MSH4: variants seen among roughly 807,000 people sequenced by gnomAD.
MSH4 encodes the protein mutS protein homolog 4.
MSH4 carries 106 observed loss-of-function variants against 113.7 expected under a neutral mutation model. That is an observed-to-expected ratio of 0.93 (90% CI 0.80 to 1.10). The LOEUF (loss-of-function observed/expected upper bound fraction) is 1.10. Among genes scored for constraint, MSH4 ranks in the 50% least tolerant of loss-of-function variants. The probability of loss-of-function intolerance (pLI) is 0.00; values close to 1 mark genes in which losing one functional copy is unlikely to be tolerated. For missense variants in MSH4, 1,061 were observed against 1,093.7 expected, an observed-to-expected ratio of 0.97 and a Z score of 0.42; for synonymous variants, 368 against 380.2, an observed-to-expected ratio of 0.97 and a Z score of 0.37.
At chr1:75,822,639 A>C (rs1650447906) in intron 7 of MSH4, 58 bp downstream of exon 7, 2 of 928,410 alleles carry the variant, frequency 2.2e-6, no homozygotes, top group Middle Eastern at 3.7e-4. Flanking sequence ...CAGTTGGCTT[A>C]GTTATTTTTC....
chr1:75,803,555 T>C (rs570527906), intron 1 of MSH4, among the ~76,000 whole-genome samples, 176 bp from the exon 2 acceptor site: 4 of 151,820 alleles, frequency 2.6e-5, no homozygotes, highest in South Asian at 4.1e-4. Flanking sequence ...AGGTGGACGT[T>C]GCAGTGAGCC....
rs534298928 is a variant in MSH4, at chr1:75,892,365, A to C, written c.2355+1541A>C. Reference sequence around the variant, plus strand: ...TCTTATGATGAATCTCTTCACACGCACACACATACACACTCTCTCTCTCTC... The same window carrying C: ...TCTTATGATGAATCTCTTCACACGCCCACACATACACACTCTCTCTCTCTC... On this transcript the variant is annotated intron_variant, in intron 17 of 19. Transcript: ENST00000263187. Among the ~76,000 whole-genome samples the C allele has an allele frequency of 1.2e-4, 16 of 135,138 alleles. No individual in the cohort carries two copies. In the South Asian group the frequency reaches 3.3e-3, roughly 28 times the overall value. 88.7% of individuals were successfully genotyped at this position (135,138 alleles called of 152,430 possible). A position where few individuals can be genotyped will look rare whatever the true frequency, so the allele number is the denominator to read the frequency against.
chr1:75,906,963 A>G (rs1044802594), intron 19 of MSH4, among the ~76,000 whole-genome samples: 3 of 151,688 alleles, frequency 2.0e-5, no homozygotes, highest in Admixed American at 6.6e-5. Context: ...CCTCCTGAGT[A>G]GCTGGGACTA....
In MSH4 at chr1:75,913,006, A is replaced by G. The variant is rs912413217; in HGVS notation, c.*119A>G. 3.1e-4 allele frequency: 160 copies of G among 511,318 alleles called. No homozygotes were observed. The highest frequency in any genetic ancestry group is 4.3e-4 in the Non-Finnish European group (134 of 312,416). 31.7% of individuals were successfully genotyped at this position (511,318 alleles called of 1,614,324 possible). On this transcript the variant is annotated 3_prime_UTR_variant, in exon 20 of 20. Transcript: ENST00000263187. ...ATATTTTAATTGAAAATTACATTAT[A>G]TTAACATCACAATTGTCATCTATAT...
chr1:75,897,445 C>A (rs1234342636), intron 17 of MSH4, among the ~76,000 whole-genome samples: 1 of 152,130 alleles, frequency 6.6e-6, no homozygotes, highest in Non-Finnish European at 1.5e-5. Context: ...ATACCTAAGA[C>A]AATCTCTTGA....
At chr1:75,858,542 G>A (rs987273617) in intron 8 of MSH4, among the ~76,000 whole-genome samples, 5 of 152,148 alleles carry the variant, frequency 3.3e-5, no homozygotes, top group Admixed American at 6.6e-5. Flanking sequence ...TTTGTCGTTG[G>A]TTCTGTTTTT....
At chr1:75,892,751 G>C (rs1156536045) in intron 17 of MSH4, among the ~76,000 whole-genome samples, 1 of 152,028 alleles carries the variant, frequency 6.6e-6, no homozygotes, top group Non-Finnish European at 1.5e-5. Flanking sequence ...GTGAGGGCCT[G>C]CCTGTCACTA....
chr1:75,897,908 C>CA lies in MSH4; in HGVS notation c.2358dup (p.Phe787IlefsTer15). The CA allele has an allele frequency of 6.5e-7, 1 of 1,531,888 alleles. No homozygotes were observed. The highest frequency in any genetic ancestry group is 8.8e-7 in the Non-Finnish European group (1 of 1,138,930). The allele number at this position is 1,531,888 out of a possible 1,614,324, so 94.9% of individuals were successfully genotyped here. A position where few individuals can be genotyped will look rare whatever the true frequency, so the allele number is the denominator to read the frequency against. ...TTCATTGTCTGTTATATATTCCAGG[C>CA]ATTTACACTGTTTGCTACACATTTC... On this transcript the variant is annotated frameshift_variant and splice_region_variant, in exon 18 of 20. Coordinates refer to ENST00000263187, the MANE Select transcript of MSH4 (RefSeq NM_002440.4). LOFTEE classifies it high-confidence loss of function.
chr1:75,809,451 TA>T lies in MSH4; in HGVS notation c.589-1238del, dbSNP rs941441101. Among the ~76,000 whole-genome samples, 17 of 152,096 alleles carry T rather than the reference TA, an allele frequency of 1.1e-4. No homozygotes were observed. In the East Asian group the frequency reaches 1.9e-3, roughly 17 times the overall value. On this transcript the variant is annotated intron_variant, in intron 3 of 19. Coordinates refer to ENST00000263187, the MANE Select transcript of MSH4 (RefSeq NM_002440.4). ...TTCAAAAGAGTAGGAAAAAAGTTTT[TA>T]AAAAAAAGGAATGTTAGACAAATTG...
chr1:75,807,371 A>C (rs1211803885), intron 3 of MSH4, among the ~76,000 whole-genome samples: 2 of 150,324 alleles, frequency 1.3e-5, no homozygotes, highest in Non-Finnish European at 1.5e-5. Flanking sequence ...AGCTATTGTT[A>C]GTATTAGTTT....
intron 17 of MSH4, among the ~76,000 whole-genome samples, chr1:75,896,551 A>G (rs1424953447): frequency 6.6e-6 from 1 of 151,964 alleles, no homozygotes; most frequent in Non-Finnish European, 1.5e-5. Context: ...AGGTTCAAGC[A>G]TACAGTATCT....
chr1:75,862,021 C>T (rs1054938803), intron 8 of MSH4, among the ~76,000 whole-genome samples: 3 of 152,080 alleles, frequency 2.0e-5, no homozygotes, highest in Admixed American at 6.5e-5. Flanking sequence ...CTGCCAAGCT[C>T]CCACATCCCA....
At chr1:75,883,430 A>C (rs911121400) in intron 14 of MSH4, among the ~76,000 whole-genome samples, 191 bp from the exon 15 acceptor site, 1 of 152,020 alleles carries the variant, frequency 6.6e-6, no homozygotes, top group East Asian at 1.9e-4. Context: ...AAGTTGTGAT[A>C]GTGATTAGAG....
At chr1:75,811,874 A>G (rs1336369772) in intron 4 of MSH4, among the ~76,000 whole-genome samples, 1 of 152,232 alleles carries the variant, frequency 6.6e-6, no homozygotes. Context: ...CTGCAGTCAT[A>G]TAAGATTTGT....
intron 7 of MSH4, among the ~76,000 whole-genome samples, chr1:75,847,058 A>G (rs1438493565): frequency 6.6e-6 from 1 of 152,178 alleles, no homozygotes. Flanking sequence ...ACATGGTGGA[A>G]GGGCAAGAGA....
At chr1:75,877,090 G>T in intron 10 of MSH4, 90 bp downstream of exon 10, 1 of 769,468 alleles carries the variant, frequency 1.3e-6, no homozygotes, top group South Asian at 2.8e-5. Context: ...GTATTCTATG[G>T]AACAATTACT....
intron 7 of MSH4, among the ~76,000 whole-genome samples, chr1:75,837,543 C>T (rs1173452588): frequency 6.6e-6 from 1 of 151,920 alleles, no homozygotes; most frequent in Non-Finnish European, 1.5e-5. Context: ...CCCACCACCA[C>T]ACCCGACTAA....
In MSH4 at chr1:75,796,991, G is replaced by A; in HGVS notation, c.6G>A (p.Leu2=). The part of the protein sequence containing the change: M[L]RPEISSTSPS... ...GTCAGGGAAGGTTTGGGAGGATGCT[G>A]AGGCCTGAGATCTCATCAACCTCGC... Residue 2 remains leucine (L), a synonymous_variant, in exon 1 of 20, where the codon CTG becomes CTA. Transcript: ENST00000263187. 1 of 1,614,050 alleles carries A rather than the reference G, an allele frequency of 6.2e-7. No homozygotes were observed.
intron 8 of MSH4, among the ~76,000 whole-genome samples, chr1:75,854,080 C>T (rs553533114): frequency 6.1e-4 from 84 of 138,310 alleles, no homozygotes; most frequent in Middle Eastern, 8.4e-3. Flanking sequence ...TTTATCTATA[C>T]AATAGAAAAT....
Sources: gnomAD v4.1 joint callset for allele counts (sites outside exome capture counted in the v4.1 genomes callset) on GRCh38, gnomAD v4.1.1 for gene constraint, MANE v1.5 for transcripts, NCBI Gene and HGNC (gene_info 2026-07-23, HGNC 2026-07-21) for gene names.